The following SAMSN1 variants were observed in gnomAD, a reference collection of about 807,000 sequenced individuals.
The protein encoded by SAMSN1 is SAM domain, SH3 domain and nuclear localization signals 1, also known as SAM domain-containing protein SAMSN-1.
A neutral mutation model predicts 42.0 loss-of-function variants in SAMSN1; 31 were observed. That is an observed-to-expected ratio of 0.74 (90% CI 0.55 to 1.00). The LOEUF is 1.00. Ranked by LOEUF, SAMSN1 falls within the 50% of genes least tolerant of loss-of-function variation. SAMSN1 has a pLI of 0.00. For synonymous variants in SAMSN1, 178 were observed against 151.9 expected (o/e 1.17, Z -1.26); for missense variants, 464 against 439.4 (o/e 1.06, Z -0.50).
chr21:14,609,676 A>G, intron 4 of SAMSN1: 1 of 684,930 alleles, frequency 1.5e-6, no homozygotes, highest in Non-Finnish European at 2.7e-6. Context: ...GCAACTTGGT[A>G]AGTGGTATCT....
intron 2 of SAMSN1, among the ~76,000 whole-genome samples, chr21:14,640,191 C>A (rs1983560093): frequency 6.6e-6 from 1 of 152,112 alleles, no homozygotes; most frequent in Non-Finnish European, 1.5e-5. Context: ...TAATATATTT[C>A]ATAAGGGAAG....
chr21:14,532,367 T>C (rs1979324205), intron 1 of SAMSN1, among the ~76,000 whole-genome samples: 1 of 152,312 alleles, frequency 6.6e-6, no homozygotes, highest in South Asian at 2.1e-4. Flanking sequence ...GACATGTTTA[T>C]GTGGGGGCAA....
chr21:14,536,515 C>T (rs1048679561), intron 1 of SAMSN1, among the ~76,000 whole-genome samples: 1 of 152,214 alleles, frequency 6.6e-6, no homozygotes, highest in Admixed American at 6.5e-5. Context: ...TGGCCCCAAA[C>T]ATTTTGCTAC....
At chr21:14,614,632 A>T (rs910860808) in intron 3 of SAMSN1, among the ~76,000 whole-genome samples, 5 of 152,228 alleles carry the variant, frequency 3.3e-5, no homozygotes, top group Non-Finnish European at 2.9e-5. Flanking sequence ...CAAAATTGTA[A>T]GCAAAAACAT....
rs1555826735 is a variant in SAMSN1, at chr21:14,493,613, A to ACACACG, written c.919+4828_919+4829insCGTGTG. Among the ~76,000 whole-genome samples the ACACACG allele has an allele frequency of 7.4e-3, 1,123 of 151,026 alleles. 14 individuals carry two copies. The highest frequency in any genetic ancestry group is 0.045 in the South Asian group (213 of 4,762). On this transcript the variant is annotated intron_variant, in intron 7 of 7. Transcript: ENST00000400566. ...CACACACACACACACACACACACAC[A>ACACACG]TATTTTCTGTTCTCTTTTTTATTTG...
At chr21:14,593,033 T>C (rs1274066556) in intron 7 of SAMSN1, among the ~76,000 whole-genome samples, 1 of 152,156 alleles carries the variant, frequency 6.6e-6, no homozygotes, top group East Asian at 1.9e-4. Context: ...AAGTAATATT[T>C]AAATCATAAC....
intron 2 of SAMSN1, among the ~76,000 whole-genome samples, chr21:14,628,588 T>C (rs1983243181): frequency 2.0e-5 from 3 of 152,086 alleles, no homozygotes; most frequent in Admixed American, 2.0e-4. Flanking sequence ...ATCACAAATG[T>C]GAAAAAGTCC....
chr21:14,530,160 CA>C (rs566193341), intron 1 of SAMSN1, among the ~76,000 whole-genome samples: 1 of 151,648 alleles, frequency 6.6e-6, no homozygotes, highest in Non-Finnish European at 1.5e-5. Context: ...ACTAAAAATA[CA>C]AAAAAATTAG....
At chr21:14,564,178 G>A (rs114318241) in intron 2 of SAMSN1, among the ~76,000 whole-genome samples, 7 of 152,210 alleles carry the variant, frequency 4.6e-5, no homozygotes, top group African/African-American at 1.7e-4. Context: ...TAATCTAAGA[G>A]GACCTTAGAT....
chr21:14,563,335 T>C (rs879573779), intron 2 of SAMSN1, among the ~76,000 whole-genome samples: 5 of 152,356 alleles, frequency 3.3e-5, no homozygotes, highest in Admixed American at 2.0e-4. Flanking sequence ...ATGTTTCTAA[T>C]TGAATTATAT....
intron 5 of SAMSN1, chr21:14,609,406 A>G (rs774220864): frequency 5.7e-6 from 4 of 707,552 alleles, no homozygotes; most frequent in Admixed American, 2.0e-5. Context: ...ATGGTGGAAG[A>G]TGTGAATTTT....
At chr21:14,565,475 T>C (rs1981088293) in intron 2 of SAMSN1, among the ~76,000 whole-genome samples, 1 of 152,136 alleles carries the variant, frequency 6.6e-6, no homozygotes, top group Non-Finnish European at 1.5e-5. Flanking sequence ...AATGCATTGC[T>C]TACACATAAA....
At chr21:14,581,459 C>T (rs764652982) in intron 2 of SAMSN1, among the ~76,000 whole-genome samples, 3 of 138,884 alleles carry the variant, frequency 2.2e-5, no homozygotes, top group Non-Finnish European at 3.1e-5. Flanking sequence ...CCTGGGTTCA[C>T]GCCATTCTTC....
chr21:14,547,203 A>C (rs942763209), upstream of SAMSN1, among the ~76,000 whole-genome samples: 2 of 152,208 alleles, frequency 1.3e-5, no homozygotes, highest in Admixed American at 1.3e-4. Flanking sequence ...AAGATGTTGT[A>C]AAGTTCTGGT....
intron 5 of SAMSN1, among the ~76,000 whole-genome samples, chr21:14,508,396 G>T (rs1230677535): frequency 6.6e-6 from 1 of 151,990 alleles, no homozygotes; most frequent in Non-Finnish European, 1.5e-5. Context: ...GTAGGCTGAG[G>T]ACATGAATAG....
intron 2 of SAMSN1, among the ~76,000 whole-genome samples, chr21:14,638,951 C>T (rs1375562367): frequency 6.6e-6 from 1 of 152,150 alleles, no homozygotes; most frequent in Admixed American, 6.5e-5. Context: ...GAGTAATGAA[C>T]CTTCACTGAT....
At chr21:14,610,534 C>T (rs926031696) in intron 4 of SAMSN1, among the ~76,000 whole-genome samples, 3 of 152,186 alleles carry the variant, frequency 2.0e-5, no homozygotes, top group Admixed American at 6.5e-5. Context: ...GTGACCCACA[C>T]CCTATTCGTG....
chr21:14,579,017 T>A (rs1255672782), intron 2 of SAMSN1, among the ~76,000 whole-genome samples: 1 of 152,194 alleles, frequency 6.6e-6, no homozygotes, highest in Admixed American at 6.5e-5. Context: ...ACCCTGCAAT[T>A]ACTATTGAAA....
chr21:14,526,633 C>T (rs532140473), intron 1 of SAMSN1, among the ~76,000 whole-genome samples: 1 of 152,096 alleles, frequency 6.6e-6, no homozygotes, highest in Non-Finnish European at 1.5e-5. Flanking sequence ...CTGTTGAAAC[C>T]AGAACTTGCA....
Sources: allele counts gnomAD v4.1 joint callset (sites outside exome capture counted in the v4.1 genomes callset), GRCh38; gene constraint gnomAD v4.1.1; transcripts MANE v1.5; gene names NCBI Gene and HGNC (gene_info 2026-07-23, HGNC 2026-07-21).